The following BNIP5 variants were observed in gnomAD, a reference collection of about 807,000 sequenced individuals.
BNIP5 encodes protein BNIP5.
In BNIP5, 61 loss-of-function variants were observed where a neutral mutation model predicts 67.3. That is an observed-to-expected ratio of 0.91 (90% confidence interval 0.74 to 1.12). BNIP5 has a LOEUF of 1.12. BNIP5 is among the 50% of genes most tolerant of loss of function. The probability of loss-of-function intolerance (pLI) is 0.00; values close to 1 mark genes in which losing one functional copy is unlikely to be tolerated. For missense variants in BNIP5, 826 were observed against 816.3 expected, an observed-to-expected ratio of 1.01 and a Z score of -0.14; for synonymous variants, 317 against 319.0, an observed-to-expected ratio of 0.99 and a Z score of 0.07.
Position 36,316,947 on chromosome 6 carries a change from A to T in BNIP5, c.*409T>A. ...ATGCATGTGGATGTTCTGTTTAGAG[A>T]TTAAATAAAAATTTAGTTTAAAAAC... is the stretch of plus-strand genomic sequence containing the variant. On this transcript the variant is annotated 3_prime_UTR_variant, in exon 12 of 12. Transcript: ENST00000437635. The T allele has an allele frequency of 2.4e-6, 1 of 425,366 alleles. No homozygotes were observed. The highest frequency in any genetic ancestry group is 4.1e-6 in the Non-Finnish European group (1 of 242,030). The allele number at this position is 425,366 out of a possible 1,614,324, so 26.3% of individuals were successfully genotyped here.
intron 1 of BNIP5, among the ~76,000 whole-genome samples, chr6:36,332,165 C>T (rs759299679): frequency 1.8e-4 from 27 of 152,212 alleles, no homozygotes; most frequent in East Asian, 9.6e-4. Flanking sequence ...CTCCACTCCA[C>T]GCACACAGCC....
intron 1 of BNIP5, among the ~76,000 whole-genome samples, chr6:36,334,613 A>G (rs1435005813): frequency 2.0e-5 from 3 of 152,038 alleles, no homozygotes; most frequent in Non-Finnish European, 4.4e-5. Context: ...GGGAAGACAC[A>G]CCCACACGCC....
chr6:36,321,268 A>C, intron 9 of BNIP5, 49 bp from the exon 10 acceptor site: 1 of 1,396,988 alleles, frequency 7.2e-7, no homozygotes, highest in Non-Finnish European at 1.0e-6. Flanking sequence ...GGTGATGCCC[A>C]GTTCCCTTCC....
At position 36,330,107 on chromosome 6, in the gene BNIP5, TC is replaced by T; in HGVS notation, c.583del (p.Glu195ArgfsTer55). The T allele has an allele frequency of 6.2e-7, 1 of 1,608,804 alleles. No homozygotes were observed. On this transcript the variant is annotated frameshift_variant, in exon 2 of 12. Coordinates refer to ENST00000437635, the MANE Select transcript of BNIP5 (RefSeq NM_001010903.5). LOFTEE classifies it high-confidence loss of function. ...SKAAAALRSGEADLGPARRGG... is the reference protein window; with the variant it reads ...SKAAAALRSGXADLGPARRGG... ...CCTGCGAGCTGGGCCCAGGTCAGCC[TC>T]CCCGGAGCGCAAGGCAGCAGCTGCC...
Position 36,316,900 on chromosome 6 carries a change from A to C in BNIP5, c.*456T>G. 2.5e-6 allele frequency: 1 copy of C among 403,326 alleles called. No individual in the cohort carries two copies. Among genetic ancestry groups the C allele is most frequent in the East Asian group, 3.5e-5 (1 of 28,202 alleles). 25.0% of individuals were successfully genotyped at this position (403,326 alleles called of 1,614,324 possible). ...GTCAACTGAAGAAATGATGGGATAC[A>C]CTTCGATGCATATCTGTTTGGATGC... On this transcript the variant is annotated 3_prime_UTR_variant, in exon 12 of 12. Coordinates refer to ENST00000437635, the MANE Select transcript of BNIP5 (RefSeq NM_001010903.5).
chr6:36,322,662 G>T (rs1214761699), intron 8 of BNIP5, among the ~76,000 whole-genome samples: 1 of 152,158 alleles, frequency 6.6e-6, no homozygotes, highest in Non-Finnish European at 1.5e-5. Context: ...CTCAGTCTGG[G>T]AGGGGCGCAG....
intron 9 of BNIP5, 35 bp downstream of exon 9, chr6:36,322,276 G>C: frequency 6.2e-7 from 1 of 1,613,058 alleles, no homozygotes; most frequent in Admixed American, 1.7e-5. Context: ...AAGCACCCGG[G>C]AAGCTGTCCA....
intron 10 of BNIP5, among the ~76,000 whole-genome samples, chr6:36,320,939 A>G (rs1771622610): frequency 6.6e-6 from 1 of 152,184 alleles, no homozygotes; most frequent in Non-Finnish European, 1.5e-5. Flanking sequence ...GTTATTTTAA[A>G]CAGTTCCCTC....
Position 36,317,184 on chromosome 6 carries a change from G to T in BNIP5, c.*172C>A. On this transcript the variant is annotated 3_prime_UTR_variant, in exon 12 of 12. Coordinates refer to ENST00000437635, the MANE Select transcript of BNIP5 (RefSeq NM_001010903.5). ...TCTGTGTCTTGCCTTGTGGAAGAAT[G>T]CTCTGTGCTTCTCAGATACTAGGGT... 1.5e-6 allele frequency: 1 copy of T among 659,164 alleles called. No individual in the cohort carries two copies. 40.8% of individuals were successfully genotyped at this position (659,164 alleles called of 1,614,324 possible).
Position 36,330,324 on chromosome 6 carries a change from G to A in BNIP5, c.367C>T (p.Pro123Ser). ...EEPREKASRR[P>S]RGKEGISQHP... The stretch of plus-strand genomic sequence containing the variant: ...TGGGAGATACCCTCCTTCCCCCTTG[G>A]CCTCCTGCTGGCCTTTTCTCTGGGC... The change falls in exon 2 of 12, where the codon CCA becomes TCA. Residue 123 changes from proline to serine, a missense_variant. Physicochemically the swap from Pro to Ser is moderately conservative, Grantham distance 74. Transcript: ENST00000437635. 1 of 1,614,156 alleles carries A rather than the reference G, an allele frequency of 6.2e-7. No homozygotes were observed. Among genetic ancestry groups the A allele is most frequent in the Admixed American group, 1.7e-5 (1 of 60,018 alleles).
At position 36,316,630 on chromosome 6, in the gene BNIP5, A is replaced by G; in HGVS notation, c.*726T>C. On this transcript the variant is annotated 3_prime_UTR_variant, in exon 12 of 12. Transcript: ENST00000437635. The stretch of plus-strand genomic sequence containing the variant: ...ACCCAAAAGAAGCTATAGTGCCTAC[A>G]TGGACATGGCACTAGGTAATTTTCA... 1 of 398,722 alleles carries G rather than the reference A, an allele frequency of 2.5e-6. No individual in the cohort carries two copies. Among genetic ancestry groups the G allele is most frequent in the Non-Finnish European group, 4.4e-6 (1 of 226,132 alleles). 24.7% of individuals were successfully genotyped at this position (398,722 alleles called of 1,614,324 possible). A position where few individuals can be genotyped will look rare whatever the true frequency, so the allele number is the denominator to read the frequency against.
chr6:36,323,304 G>C lies in BNIP5; in HGVS notation c.1460C>G (p.Ser487Cys), dbSNP rs561857669. 288 of 1,614,228 alleles carry C rather than the reference G, an allele frequency of 1.8e-4. 1 individual carries two copies. In the East Asian group the frequency reaches 6.4e-3, roughly 36 times the overall value. ...LCVGGHRPST[S>C]SSLDPEDLEC... Reference sequence around the variant, plus strand: ...CCAGGCCTGCTCACCAAGGCTGCTGGAGGTGGAGGGCCGATGGCCACCAAC... The same window carrying C: ...CCAGGCCTGCTCACCAAGGCTGCTGCAGGTGGAGGGCCGATGGCCACCAAC... Residue 487 changes from serine to cysteine, a missense_variant, in exon 8 of 12, where the codon TCC becomes TGC. Coordinates refer to ENST00000437635, the MANE Select transcript of BNIP5 (RefSeq NM_001010903.5).
Position 36,326,652 on chromosome 6 carries a change from C to T in BNIP5, c.894G>A (p.Lys298=). ...EKKTSLKRTS[K]TNPKKHGSEE... The stretch of plus-strand genomic sequence containing the variant: ...CGGAGCCGTGTTTCTTGGGGTTTGT[C>T]TTTGAGGTTCTCTTGAGGCTTGTCT... The change falls in exon 5 of 12, where the codon AAG becomes AAA. Residue 298 remains lysine (K), a synonymous_variant. Transcript: ENST00000437635. 1.2e-6 allele frequency: 2 copies of T among 1,614,242 alleles called. No homozygotes were observed. The highest frequency in any genetic ancestry group is 1.7e-6 in the Non-Finnish European group (2 of 1,180,042).
At chr6:36,328,930 A>C (rs1409986217) in intron 2 of BNIP5, among the ~76,000 whole-genome samples, 1 of 151,932 alleles carries the variant, frequency 6.6e-6, no homozygotes, top group Non-Finnish European at 1.5e-5. Context: ...CTCTCTCGCT[A>C]ACCCCCTCCC....
In BNIP5 at chr6:36,316,554, C is replaced by T. The variant is rs561798996; in HGVS notation, c.*802G>A. 2 of 398,724 alleles carry T rather than the reference C, an allele frequency of 5.0e-6. No homozygotes were observed. Among genetic ancestry groups the T allele is most frequent in the Non-Finnish European group, 8.8e-6 (2 of 226,118 alleles). The allele number at this position is 398,724 out of a possible 1,614,324, so 24.7% of individuals were successfully genotyped here. A position where few individuals can be genotyped will look rare whatever the true frequency, so the allele number is the denominator to read the frequency against. On this transcript the variant is annotated 3_prime_UTR_variant, in exon 12 of 12. Transcript: ENST00000437635. Reference sequence around the variant, plus strand: ...TCTTGAGCAGTGCACCCCTGTGCAACAATCCATGGCAGTCCAGCCCATTGA... The same window carrying T: ...TCTTGAGCAGTGCACCCCTGTGCAATAATCCATGGCAGTCCAGCCCATTGA...
chr6:36,334,614 C>G (rs1057417342), intron 1 of BNIP5, among the ~76,000 whole-genome samples: 10 of 152,164 alleles, frequency 6.6e-5, no homozygotes, highest in Non-Finnish European at 1.3e-4. Flanking sequence ...GGAAGACACA[C>G]CCACACGCCC....
intron 3 of BNIP5, among the ~76,000 whole-genome samples, chr6:36,327,433 C>A (rs1771790540): frequency 6.6e-6 from 1 of 152,206 alleles, no homozygotes; most frequent in African/African-American, 2.4e-5. Context: ...CTCTCTGGGC[C>A]TTTATCTCTC....
chr6:36,320,573 G>A (rs1007604298), intron 10 of BNIP5, among the ~76,000 whole-genome samples: 11 of 152,342 alleles, frequency 7.2e-5, no homozygotes, highest in Middle Eastern at 3.4e-3. Flanking sequence ...CACCCAGAGC[G>A]TCCGCTATGC....
chr6:36,318,472 C>T (rs1771565306), intron 11 of BNIP5, among the ~76,000 whole-genome samples: 1 of 151,768 alleles, frequency 6.6e-6, no homozygotes, highest in African/African-American at 2.4e-5. Flanking sequence ...CTTTGGGAGG[C>T]CAAGGTGGGA....
Sources: gnomAD v4.1 joint callset for allele counts (sites outside exome capture counted in the v4.1 genomes callset) on GRCh38, gnomAD v4.1.1 for gene constraint, MANE v1.5 for transcripts, NCBI Gene and HGNC (gene_info 2026-07-23, HGNC 2026-07-21) for gene names.